MYOF: variants seen among roughly 807,000 people sequenced by gnomAD.
MYOF encodes myoferlin, also known as fer-1-like 3, myoferlin.
Under a neutral mutation model 284.2 loss-of-function variants are expected in MYOF, and 244 were observed. The ratio of observed to expected loss-of-function variants is 0.86; its 90% CI spans 0.77 to 0.95. The LOEUF is 0.95. Among genes scored for constraint, MYOF ranks in the 40% least tolerant of loss-of-function variants. The probability of loss-of-function intolerance (pLI) is 0.00; values close to 1 mark genes in which losing one functional copy is unlikely to be tolerated. For missense variants in MYOF, 2,496 were observed against 2,560.6 expected (o/e 0.97, Z 0.54); for synonymous variants, 904 against 919.7 (o/e 0.98, Z 0.31).
At chr10:93,409,527 C>A in intron 6 of MYOF, 46 bp downstream of exon 6, 1 of 1,591,374 alleles carries the variant, frequency 6.3e-7, no homozygotes, top group Non-Finnish European at 8.5e-7. Flanking sequence ...AGAAGATGGG[C>A]AATATAAAGA....
At chr10:93,397,488 T>TA in intron 13 of MYOF, 32 bp from the exon 14 acceptor site, 1 of 1,537,418 alleles carries the variant, frequency 6.5e-7, no homozygotes, top group Non-Finnish European at 8.9e-7. Flanking sequence ...AGTGTAGGTT[T>TA]TCAAGTTTCT....
chr10:93,331,012 G>T (rs995212505), intron 43 of MYOF, among the ~76,000 whole-genome samples: 4 of 152,150 alleles, frequency 2.6e-5, no homozygotes, highest in African/African-American at 9.7e-5. Context: ...CACTTCTTTT[G>T]CAGTTCTTCT....
Position 93,329,664 on chromosome 10 carries a change from A to G in MYOF, c.4982T>C (p.Val1661Ala), listed in dbSNP as rs766261317. 2 of 1,613,812 alleles carry G rather than the reference A, an allele frequency of 1.2e-6. No homozygotes were observed. Among genetic ancestry groups the G allele is most frequent in the Non-Finnish European group, 1.7e-6 (2 of 1,180,036 alleles). ...CTCTTGTACAGTCAAAGCAACTTAC[A>G]CACAGTACTCCTCTGGTATGCCGCA... is the stretch of plus-strand genomic sequence containing the variant. ...SHCGIPEEYC[V>A]SGVNTWRDQL... The change falls in exon 44 of 54, where the codon GTT (valine) becomes GCT (alanine). Residue 1661 changes from valine (V) to alanine (A), a missense_variant and splice_region_variant. This residue lies in a region of MYOF where 2,436 missense variants were observed against 2,480.7 expected (regional missense o/e 0.98). Coordinates refer to ENST00000359263, the MANE Select transcript of MYOF (RefSeq NM_013451.4).
In MYOF at chr10:93,349,950, C is replaced by T. The variant is rs1844424298; in HGVS notation, c.3941G>A (p.Arg1314Lys). 6.2e-7 allele frequency: 1 copy of T among 1,613,998 alleles called. No individual in the cohort carries two copies. Among genetic ancestry groups the T allele is most frequent in the Non-Finnish European group, 8.5e-7 (1 of 1,179,962 alleles). Residue 1314 changes from arginine (R) to lysine (K), a missense_variant, in exon 36 of 54, where the codon AGA (arginine) becomes AAA (lysine). Coordinates refer to ENST00000359263, the MANE Select transcript of MYOF (RefSeq NM_013451.4). ...TAIEILAWGLRNMKNFQMASI... is the reference protein window; with the variant it reads ...TAIEILAWGLKNMKNFQMASI... The stretch of plus-strand genomic sequence containing the variant: ...AGCCATCTGGAAGTTTTTCATATTT[C>T]TTAAGCCCCAAGCTAGAATCTATGA...
At chr10:93,460,351 G>A (rs1439033729) in intron 1 of MYOF, among the ~76,000 whole-genome samples, 1 of 152,256 alleles carries the variant, frequency 6.6e-6, no homozygotes, top group East Asian at 1.9e-4. Context: ...AGAGTCAGCA[G>A]CTGGGGAGTG....
At chr10:93,380,025 C>G (rs1318532787) in intron 20 of MYOF, 38 bp from the exon 21 acceptor site, 1 of 1,594,820 alleles carries the variant, frequency 6.3e-7, no homozygotes, top group East Asian at 2.3e-5. Context: ...ACACTGAACA[C>G]TTAAAATAGA....
At chr10:93,481,737 T>C (rs929571136) in intron 1 of MYOF, among the ~76,000 whole-genome samples, 1 of 152,204 alleles carries the variant, frequency 6.6e-6, no homozygotes. Context: ...ATTGCTCTTC[T>C]TCCTCCTTTA....
In MYOF at chr10:93,347,647, C is replaced by T. The variant is rs759337685; in HGVS notation, c.4219G>A (p.Gly1407Arg). 6.2e-6 allele frequency: 10 copies of T among 1,613,624 alleles called. No individual in the cohort carries two copies. Among genetic ancestry groups the T allele is most frequent in the Non-Finnish European group, 8.5e-6 (10 of 1,179,880 alleles). The change falls in exon 37 of 54, where the codon GGG becomes AGG. Residue 1407 changes from glycine (G) to arginine (R), a missense_variant. By Grantham distance (125) the Gly-to-Arg change is moderately radical. This residue lies in a region of MYOF where 2,436 missense variants were observed against 2,480.7 expected (regional missense o/e 0.98). Transcript: ENST00000359263. Reference protein sequence around the residue: ...LDRFRCDPYAGKEDIVPQLKA... With the variant: ...LDRFRCDPYARKEDIVPQLKA... ...AGCTGTGGGACGATGTCCTCTTTCC[C>T]TGCATAAGGGTCACAGCGAAAGCGG... is the stretch of plus-strand genomic sequence containing the variant.
intron 7 of MYOF, among the ~76,000 whole-genome samples, chr10:93,406,318 T>TATATATATATATATATATATATATG (rs1847584374): frequency 2.6e-5 from 1 of 38,718 alleles, no homozygotes; most frequent in Non-Finnish European, 7.8e-5. Flanking sequence ...ATATATATAT[T>TATATATATATATATATATATATATG]TGTTTTTATC....
intron 3 of MYOF, among the ~76,000 whole-genome samples, chr10:93,436,707 T>C (rs1235993916): frequency 1.3e-5 from 2 of 152,200 alleles, no homozygotes; most frequent in Non-Finnish European, 2.9e-5. Flanking sequence ...GTTGCCTGGA[T>C]ACAAAATACT....
chr10:93,372,812 GA>G, intron 24 of MYOF, 117 bp downstream of exon 24: 1 of 1,258,622 alleles, frequency 7.9e-7, no homozygotes, highest in Non-Finnish European at 1.1e-6. Flanking sequence ...GGATGGGCTA[GA>G]ATTGATCCCA....
rs1466340834 is a variant in MYOF, at chr10:93,379,911, A to T, written c.1953T>A (p.Ser651Arg). 6.2e-7 allele frequency: 1 copy of T among 1,614,142 alleles called. No homozygotes were observed. Among genetic ancestry groups the T allele is most frequent in the South Asian group, 1.1e-5 (1 of 91,076 alleles). ...GAGTGTTCACCGCATCCAGGCGATG[A>T]CTAATATCCTCCCAGTATGAAGTCA... ...VTLTSYWEDI[S>R]HRLDAVNTLL... Residue 651 changes from serine to arginine, a missense_variant, in exon 21 of 54, where the codon AGT becomes AGA. By Grantham distance (110) the Ser-to-Arg change is moderately radical. Around this residue, in one of 3 missense-constraint regions of MYOF, gnomAD observed 2,436 missense variants for 2,480.7 expected, o/e 0.98. Coordinates refer to ENST00000359263, the MANE Select transcript of MYOF (RefSeq NM_013451.4).
At chr10:93,449,482 C>T (rs1411500005) in intron 3 of MYOF, among the ~76,000 whole-genome samples, 1 of 152,196 alleles carries the variant, frequency 6.6e-6, no homozygotes, top group African/African-American at 2.4e-5. Context: ...CTCCCCTCTC[C>T]TCCCCTTCCC....
At chr10:93,316,582 T>C in intron 50 of MYOF, 132 bp downstream of exon 50, 2 of 752,228 alleles carry the variant, frequency 2.7e-6, no homozygotes, top group African/African-American at 1.7e-5. Context: ...ACTGGGTGTA[T>C]CCCCTGTCCC....
chr10:93,425,766 T>G (rs1589549248), intron 5 of MYOF: 1 of 397,816 alleles, frequency 2.5e-6, no homozygotes, highest in South Asian at 2.7e-5. Flanking sequence ...CTGTATGGGG[T>G]GGAAGCCACA....
chr10:93,318,982 A>C (rs1320018114), intron 49 of MYOF, among the ~76,000 whole-genome samples: 3 of 152,122 alleles, frequency 2.0e-5, no homozygotes, highest in Admixed American at 6.5e-5. Context: ...GAATGAAAGC[A>C]CCCAGATTTT....
At position 93,348,364 on chromosome 10, in the gene MYOF, C is replaced by T. The variant is rs114745477; in HGVS notation, c.4084-582G>A. On this transcript the variant is annotated intron_variant, in intron 36 of 53. Transcript: ENST00000359263. ...TGGATTGCTACTTTCTCCTCAACTC[C>T]CCCTGGCTCCCTCTCATGGAATTTG... 1.1e-3 allele frequency among the ~76,000 whole-genome samples: 162 copies of T among 152,298 alleles called. 1 individual carries two copies. The highest frequency in any genetic ancestry group is 3.7e-3 in the African/African-American group (155 of 41,570).
chr10:93,464,262 T>C (rs1301811872), intron 1 of MYOF, among the ~76,000 whole-genome samples: 1 of 152,206 alleles, frequency 6.6e-6, no homozygotes, highest in East Asian at 1.9e-4. Flanking sequence ...TACATGAATT[T>C]CCAGCTTGCT....
chr10:93,416,222 A>T (rs959671987), intron 5 of MYOF, among the ~76,000 whole-genome samples: 14 of 152,186 alleles, frequency 9.2e-5, no homozygotes, highest in Non-Finnish European at 1.6e-4. Context: ...AGTAATCACC[A>T]AAGAAACTTC....
Sources: gnomAD v4.1 joint callset for allele counts (sites outside exome capture counted in the v4.1 genomes callset) on GRCh38, gnomAD v4.1.1 for gene constraint, gnomAD v4.1.1 regional missense constraint, MANE v1.5 for transcripts, NCBI Gene and HGNC (gene_info 2026-07-23, HGNC 2026-07-21) for gene names.